Variants in SULT2B1 observed in about 807,000 individuals in gnomAD.
SULT2B1 encodes the protein sulfotransferase 2B1.
Under a neutral mutation model 33.2 loss-of-function variants are expected in SULT2B1, and 16 were observed. The observed-to-expected ratio is 0.48, with a 90% CI of 0.33 to 0.73. The LOEUF is 0.73. SULT2B1 is among the 30% of genes least tolerant of loss of function. SULT2B1 has a pLI of 0.02. For synonymous variants in SULT2B1, 186 were observed against 200.5 expected, an observed-to-expected ratio of 0.93 and a Z score of 0.61; for missense variants, 500 against 506.0, an observed-to-expected ratio of 0.99 and a Z score of 0.11.
At chr19:48,572,651 T>C (rs1973346216) in intron 1 of SULT2B1, among the ~76,000 whole-genome samples, 1 of 152,086 alleles carries the variant, frequency 6.6e-6, no homozygotes, top group Non-Finnish European at 1.5e-5. Context: ...GAGGAGGCAC[T>C]GGCCTAGGCT....
At chr19:48,557,659 G>A (rs1461712783) in intron 1 of SULT2B1, among the ~76,000 whole-genome samples, 1 of 152,156 alleles carries the variant, frequency 6.6e-6, no homozygotes, top group Non-Finnish European at 1.5e-5. Context: ...GCTCACGCCT[G>A]TAATCCCAGA....
At chr19:48,574,833 T>G (rs1235719282) in intron 1 of SULT2B1, among the ~76,000 whole-genome samples, 1 of 152,194 alleles carries the variant, frequency 6.6e-6, no homozygotes, top group Non-Finnish European at 1.5e-5. Context: ...TCACTGCGCC[T>G]GCCCACTGGA....
intron 2 of SULT2B1, among the ~76,000 whole-genome samples, chr19:48,584,109 TCAAA>T (rs960290428): frequency 9.2e-5 from 14 of 152,094 alleles, no homozygotes; most frequent in Non-Finnish European, 2.1e-4. Flanking sequence ...AGACTCCGTC[TCAAA>T]CAAACAAAAA....
At chr19:48,570,296 C>T (rs1238217388) in intron 1 of SULT2B1, among the ~76,000 whole-genome samples, 1 of 151,800 alleles carries the variant, frequency 6.6e-6, no homozygotes, top group Non-Finnish European at 1.5e-5. Context: ...TCTCCTGCCT[C>T]AGCCTCCCAA....
At chr19:48,565,050 A>G (rs2665598) in intron 1 of SULT2B1, among the ~76,000 whole-genome samples, 1 of 151,938 alleles carries the variant, frequency 6.6e-6, no homozygotes, top group African/African-American at 2.4e-5. Flanking sequence ...CAGCCTCCCA[A>G]AGTGCTGGGA....
chr19:48,554,838 A>G (rs1387918147), intron 1 of SULT2B1, among the ~76,000 whole-genome samples: 1 of 151,224 alleles, frequency 6.6e-6, no homozygotes, highest in African/African-American at 2.4e-5. Context: ...TGTGTCAGAG[A>G]TGAGGCCCAG....
intron 2 of SULT2B1, among the ~76,000 whole-genome samples, chr19:48,579,608 T>TC (rs1555733742): frequency 0.026 from 2,756 of 107,892 alleles, 123 homozygotes; most frequent in African/African-American, 0.085. Context: ...TTTCTTTCTT[T>TC]TTTTTTTTTT....
chr19:48,569,363 C>A lies in SULT2B1; in HGVS notation c.72-6578C>A, dbSNP rs9676529. Among the ~76,000 whole-genome samples, 279 of 33,138 alleles carry A rather than the reference C, an allele frequency of 8.4e-3. 4 individuals carry two copies. The highest frequency in any genetic ancestry group is 0.015 in the African/African-American group (102 of 6,638). The allele number at this position is 33,138 out of a possible 152,430, so 21.7% of individuals were successfully genotyped here. On this transcript the variant is annotated intron_variant, in intron 1 of 6. Coordinates refer to ENST00000201586, the MANE Select transcript of SULT2B1 (RefSeq NM_177973.2). ...TCTCAAAAAAAAAAAAAAAAAAAAA[C>A]ATATATATATATATATATATATATA...
At position 48,554,082 on chromosome 19, in the gene SULT2B1, G is replaced by A. The variant is rs555293581; in HGVS notation, c.71+1759G>A. Among the ~76,000 whole-genome samples the A allele has an allele frequency of 7.2e-5, 11 of 152,098 alleles. 1 individual carries two copies. Among genetic ancestry groups the A allele is most frequent in the South Asian group, 4.1e-4 (2 of 4,820 alleles). ...CTGACCCTCTGCGAAGCTCGGTTTC[G>A]TCATCGTGGGGGAGAATAGCCCTCC... is the stretch of plus-strand genomic sequence containing the variant. On this transcript the variant is annotated intron_variant, in intron 1 of 6. Coordinates refer to ENST00000201586, the MANE Select transcript of SULT2B1 (RefSeq NM_177973.2).
At position 48,561,153 on chromosome 19, in the gene SULT2B1, G is replaced by A. The variant is rs760217008; in HGVS notation, c.71+8830G>A. On this transcript the variant is annotated intron_variant, in intron 1 of 6. Transcript: ENST00000201586. ...GTCTCAAAAAAATAAATTCGGGCCC[G>A]GTGTGGTGGCTCATGCCTGTAATCC... Among the ~76,000 whole-genome samples, 15 of 151,166 alleles carry A rather than the reference G, an allele frequency of 9.9e-5. No homozygotes were observed. The East Asian group carries it at 1.2e-3, about 12-fold the overall frequency.
At chr19:48,598,128 A>G (rs1026345143) in intron 6 of SULT2B1, among the ~76,000 whole-genome samples, 1 of 152,072 alleles carries the variant, frequency 6.6e-6, no homozygotes, top group Non-Finnish European at 1.5e-5. Flanking sequence ...ATATGGAGGG[A>G]GTCTTTATTC....
At chr19:48,573,041 C>G (rs992488617) in intron 1 of SULT2B1, among the ~76,000 whole-genome samples, 1 of 151,440 alleles carries the variant, frequency 6.6e-6, no homozygotes, top group African/African-American at 2.4e-5. Flanking sequence ...CCTGTAGTCC[C>G]AGCTAATCAG....
chr19:48,556,690 C>T (rs754301299), intron 1 of SULT2B1, among the ~76,000 whole-genome samples: 2 of 151,886 alleles, frequency 1.3e-5, no homozygotes, highest in Non-Finnish European at 1.5e-5. Flanking sequence ...GTGGCTCACA[C>T]CTGTAATCCC....
intron 5 of SULT2B1, among the ~76,000 whole-genome samples, chr19:48,593,944 G>A (rs1033911601): frequency 7.3e-5 from 11 of 151,540 alleles, no homozygotes; most frequent in South Asian, 2.1e-4. Context: ...GGTCGGCCCC[G>A]CCAACTAGTT....
At chr19:48,583,493 C>T (rs559805841) in intron 2 of SULT2B1, among the ~76,000 whole-genome samples, 35 of 152,304 alleles carry the variant, frequency 2.3e-4, no homozygotes, top group Non-Finnish European at 4.7e-4. Context: ...ATGCTATATT[C>T]ATACAATGGA....
chr19:48,562,417 G>C (rs1377379171), intron 1 of SULT2B1, among the ~76,000 whole-genome samples: 2 of 151,674 alleles, frequency 1.3e-5, no homozygotes, highest in African/African-American at 4.8e-5. Context: ...AAAGCGTGGT[G>C]GTGTACACCT....
Position 48,599,002 on chromosome 19 carries a change from G to C in SULT2B1, c.827-133G>C. The C allele has an allele frequency of 6.9e-7, 1 of 1,442,858 alleles. No individual in the cohort carries two copies. The highest frequency in any genetic ancestry group is 9.2e-7 in the Non-Finnish European group (1 of 1,092,066). 89.4% of individuals were successfully genotyped at this position (1,442,858 alleles called of 1,614,324 possible). A position where few individuals can be genotyped will look rare whatever the true frequency, so the allele number is the denominator to read the frequency against. On this transcript the variant is annotated intron_variant, in intron 6 of 6. Coordinates refer to ENST00000201586, the MANE Select transcript of SULT2B1 (RefSeq NM_177973.2). This position sits in a 1 kb window ranked among gnomAD's most constrained non-coding sequence, Gnocchi z 4.1. Reference sequence around the variant, plus strand: ...ACAAAGGGGGCAATGTGGAGGGTAGGGAGGACGGTGTTTCTGGCAAAGGGA... The same window carrying C: ...ACAAAGGGGGCAATGTGGAGGGTAGCGAGGACGGTGTTTCTGGCAAAGGGA...
chr19:48,559,348 TTTTTGTTTTGTTTTGTTTTGTTTTG>T (rs10577756), intron 1 of SULT2B1, among the ~76,000 whole-genome samples: 1 of 148,716 alleles, frequency 6.7e-6, no homozygotes, highest in Admixed American at 6.7e-5. Context: ...TTGGTTTTGT[TTTTTGTTTTGTTTTGTTTTGTTTTG>T]TTTTGTTTTG....
chr19:48,597,337 C>CTT (rs535736357), intron 6 of SULT2B1, among the ~76,000 whole-genome samples: 2 of 106,906 alleles, frequency 1.9e-5, no homozygotes, highest in Non-Finnish European at 3.7e-5. Context: ...CACGTTTACT[C>CTT]TTTTTTTTTT....
Sources: allele counts gnomAD v4.1 joint callset (sites outside exome capture counted in the v4.1 genomes callset), GRCh38; gene constraint gnomAD v4.1.1; non-coding constraint Gnocchi (gnomAD v3.1); transcripts MANE v1.5; gene names NCBI Gene and HGNC (gene_info 2026-07-23, HGNC 2026-07-21).